Variants in CHIC2 observed in about 807,000 individuals in gnomAD.
CHIC2 encodes cysteine-rich hydrophobic domain-containing protein 2.
CHIC2 carries 14 observed loss-of-function variants against 25.9 expected under a neutral mutation model. The observed-to-expected ratio is 0.54, with a 90% confidence interval of 0.36 to 0.85. The LOEUF (loss-of-function observed/expected upper bound fraction) is 0.85. CHIC2 is among the 40% of genes least tolerant of loss of function. CHIC2 has a pLI of 0.01. For synonymous variants in CHIC2, 70 were observed against 72.0 expected (o/e 0.97, Z 0.14); for missense variants, 146 against 202.0 (o/e 0.72, Z 1.68).
At chr4:54,045,958 G>A (rs1418390113) in intron 3 of CHIC2, among the ~76,000 whole-genome samples, 1 of 152,176 alleles carries the variant, frequency 6.6e-6, no homozygotes, top group East Asian at 1.9e-4. Context: ...AAAGTCTCAG[G>A]ATACAAAATC....
At chr4:54,021,609 G>A (rs1322051474) in intron 3 of CHIC2, among the ~76,000 whole-genome samples, 1 of 152,080 alleles carries the variant, frequency 6.6e-6, no homozygotes, top group Non-Finnish European at 1.5e-5. Flanking sequence ...TCTTAAAAAG[G>A]TGACTGGAGC....
chr4:54,076,382 C>A, the CHIC2 span, among the ~76,000 whole-genome samples: 1 of 152,100 alleles, frequency 6.6e-6, no homozygotes, highest in Non-Finnish European at 1.5e-5. Context: ...AGGTCTAAGA[C>A]TTCTGCTGTA....
chr4:54,013,929 G>C (rs752955073), intron 4 of CHIC2, 33 bp from the exon 5 acceptor site: 17 of 1,609,352 alleles, frequency 1.1e-5, no homozygotes. Flanking sequence ...GAAGAAAAAT[G>C]AGCTCTATTT....
chr4:54,025,877 T>G (rs920663032), intron 3 of CHIC2, among the ~76,000 whole-genome samples: 2 of 148,910 alleles, frequency 1.3e-5, no homozygotes, highest in African/African-American at 4.9e-5. Context: ...AAAATAGGAA[T>G]TGTTTTAAAA....
intron 3 of CHIC2, among the ~76,000 whole-genome samples, chr4:54,022,303 A>G (rs1169188086): frequency 6.6e-6 from 1 of 152,040 alleles, no homozygotes; most frequent in Non-Finnish European, 1.5e-5. Context: ...ATCGCCTCAG[A>G]AGCTTCCTGG....
the CHIC2 span, chr4:54,087,614 T>C: frequency 1.5e-6 from 1 of 659,254 alleles, no homozygotes; most frequent in African/African-American, 1.9e-5. Context: ...CTGAGGTTAT[T>C]TGTAAGAATA....
chr4:54,080,075 T>G, the CHIC2 span, among the ~76,000 whole-genome samples: 1 of 150,940 alleles, frequency 6.6e-6, no homozygotes, highest in East Asian at 1.9e-4. Context: ...TGATATCAAC[T>G]TAAGTATTCA....
upstream of CHIC2, among the ~76,000 whole-genome samples, chr4:54,067,676 A>T (rs1717543826): frequency 6.6e-6 from 1 of 152,126 alleles, no homozygotes; most frequent in African/African-American, 2.4e-5. Context: ...TTTAGACCAA[A>T]TGGCTCAAAA....
Position 54,010,063 on chromosome 4 carries a change from T to A in CHIC2, c.*32A>T, listed in dbSNP as rs779103624. On this transcript the variant is annotated 3_prime_UTR_variant, in exon 6 of 6. Coordinates refer to ENST00000263921, the MANE Select transcript of CHIC2 (RefSeq NM_012110.4). ...GCAAGGCACCATTGGAAAGACAACA[T>A]ACTTGGAAAGTCTCTATAAATAAAG... 3.3e-6 allele frequency: 5 copies of A among 1,512,450 alleles called. No individual in the cohort carries two copies. The highest frequency in any genetic ancestry group is 9.2e-7 in the Non-Finnish European group (1 of 1,092,462). The allele number at this position is 1,512,450 out of a possible 1,614,324, so 93.7% of individuals were successfully genotyped here.
intron 1 of CHIC2, among the ~76,000 whole-genome samples, chr4:54,055,059 C>T (rs1288080128): frequency 6.6e-6 from 1 of 151,904 alleles, no homozygotes; most frequent in Non-Finnish European, 1.5e-5. Context: ...AAAAGGATCA[C>T]TATAGCAGAT....
At chr4:54,091,805 C>T in the CHIC2 span, among the ~76,000 whole-genome samples, 12 of 152,342 alleles carry the variant, frequency 7.9e-5, no homozygotes, top group Admixed American at 3.3e-4. Context: ...TGACAGTACA[C>T]TTATGCTCGC....
intron 3 of CHIC2, among the ~76,000 whole-genome samples, chr4:54,033,498 T>C (rs961076399): frequency 6.6e-6 from 1 of 152,174 alleles, no homozygotes; most frequent in Non-Finnish European, 1.5e-5. Flanking sequence ...AATCCTCCAA[T>C]AGTTTTCAAA....
At chr4:54,087,456 T>C in the CHIC2 span, 7 of 698,536 alleles carry the variant, frequency 1.0e-5, no homozygotes, top group Admixed American at 1.2e-4. Context: ...GCATAGGCAG[T>C]TAATGAAATT....
At chr4:54,068,098 C>G (rs936854353), upstream of CHIC2, among the ~76,000 whole-genome samples, 14 of 151,992 alleles carry the variant, frequency 9.2e-5, no homozygotes, top group African/African-American at 3.4e-4. Flanking sequence ...GCCATGGGGA[C>G]ACAGCAAGAA....
At chr4:54,058,559 T>TACACACACACACAC (rs36034143) in intron 1 of CHIC2, among the ~76,000 whole-genome samples, 14 of 138,576 alleles carry the variant, frequency 1.0e-4, no homozygotes, top group East Asian at 8.4e-4. Flanking sequence ...TACACACACA[T>TACACACACACACAC]ACACACACAC....
At chr4:54,014,383 A>T (rs1715682764) in intron 3 of CHIC2, among the ~76,000 whole-genome samples, 1 of 152,168 alleles carries the variant, frequency 6.6e-6, no homozygotes, top group African/African-American at 2.4e-5. Flanking sequence ...TAAAAAGCTA[A>T]TGTCATCTGC....
intron 1 of CHIC2, among the ~76,000 whole-genome samples, chr4:54,055,336 G>A (rs1717142644): frequency 6.6e-6 from 1 of 151,464 alleles, no homozygotes; most frequent in Non-Finnish European, 1.5e-5. Flanking sequence ...CGTGTAGGTG[G>A]CAAAATAGGG....
In CHIC2 at chr4:54,064,437, G is replaced by C. The variant is rs1013486006; in HGVS notation, c.-137C>G. 6 of 1,509,942 alleles carry C rather than the reference G, an allele frequency of 4.0e-6. No homozygotes were observed. The Admixed American group carries it at 1.2e-4, about 31-fold the overall frequency. 93.5% of individuals were successfully genotyped at this position (1,509,942 alleles called of 1,614,324 possible). A position where few individuals can be genotyped will look rare whatever the true frequency, so the allele number is the denominator to read the frequency against. On this transcript the variant is annotated 5_prime_UTR_variant, in exon 1 of 6. Coordinates refer to ENST00000263921, the MANE Select transcript of CHIC2 (RefSeq NM_012110.4). The surrounding 1 kb of genome is among the most constrained non-coding windows in gnomAD (Gnocchi z 4.2). ...GAGGCCGCGGAGTTCGCTGTCGGCTGTCTCGGCTCCGGCTACAGAGGGGAT... is the reference window on the plus strand; with the variant it reads ...GAGGCCGCGGAGTTCGCTGTCGGCTCTCTCGGCTCCGGCTACAGAGGGGAT...
At chr4:54,066,369 A>G (rs990126942), upstream of CHIC2, among the ~76,000 whole-genome samples, 4 of 152,154 alleles carry the variant, frequency 2.6e-5, no homozygotes, top group African/African-American at 9.7e-5. Flanking sequence ...TAGCTTATCA[A>G]CCCTGTGAGG....
Sources: allele counts gnomAD v4.1 joint callset (sites outside exome capture counted in the v4.1 genomes callset), GRCh38; gene constraint gnomAD v4.1.1; non-coding constraint Gnocchi (gnomAD v3.1); transcripts MANE v1.5; gene names NCBI Gene and HGNC (gene_info 2026-07-23, HGNC 2026-07-21).